Variants in FAM219A observed in about 807,000 individuals in gnomAD.
FAM219A encodes the protein protein FAM219A.
In FAM219A, 7 loss-of-function variants were observed where a neutral mutation model predicts 23.4. The ratio of observed to expected loss-of-function variants is 0.30; its 90% CI spans 0.17 to 0.56. FAM219A has a LOEUF of 0.56. Among genes scored for constraint, FAM219A ranks in the 20% least tolerant of loss-of-function variants. FAM219A has a pLI of 0.92. For missense variants in FAM219A, 166 were observed against 246.9 expected (o/e 0.67, Z 2.20); for synonymous variants, 93 against 99.0 (o/e 0.94, Z 0.36).
intron 1 of FAM219A, among the ~76,000 whole-genome samples, chr9:34,416,905 A>G (rs1822058747): frequency 6.7e-6 from 1 of 148,590 alleles, no homozygotes; most frequent in Non-Finnish European, 1.5e-5. Flanking sequence ...ATAGCTTACT[A>G]CAGCCTTGAA....
intron 1 of FAM219A, among the ~76,000 whole-genome samples, chr9:34,441,373 C>T (rs942185041): frequency 6.6e-6 from 1 of 152,200 alleles, no homozygotes; most frequent in African/African-American, 2.4e-5. Flanking sequence ...GATGCAGGAG[C>T]TTCATGAAGT....
At chr9:34,436,535 A>G (rs998163856) in intron 1 of FAM219A, among the ~76,000 whole-genome samples, 23 of 152,240 alleles carry the variant, frequency 1.5e-4, no homozygotes, top group Admixed American at 1.5e-3. Context: ...TGTGAGCCAC[A>G]GAGCCTGGCC....
At chr9:34,446,752 AC>A (rs1172244219) in intron 1 of FAM219A, among the ~76,000 whole-genome samples, 7 of 152,210 alleles carry the variant, frequency 4.6e-5, no homozygotes, top group African/African-American at 1.7e-4. Flanking sequence ...CATAGGCCAA[AC>A]AGCTCAGTTC....
At chr9:34,435,137 T>G (rs1358911913) in intron 1 of FAM219A, among the ~76,000 whole-genome samples, 2 of 152,178 alleles carry the variant, frequency 1.3e-5, no homozygotes, top group African/African-American at 4.8e-5. Flanking sequence ...GATGATTTTC[T>G]GTTTCCAAAG....
At position 34,400,277 on chromosome 9, in the gene FAM219A, C is replaced by G. The variant is rs544050072; in HGVS notation, c.*687G>C. 4 of 152,332 alleles carry G rather than the reference C, an allele frequency of 2.6e-5. No individual in the cohort carries two copies. The East Asian group carries it at 7.7e-4, about 29-fold the overall frequency. 9.4% of individuals were successfully genotyped at this position (152,332 alleles called of 1,614,324 possible). ...GGCCAATTAGGACAGATCACACCACCCAAACCTCAGCCTGTCTGTAAGGCC... is the reference window on the plus strand; with the variant it reads ...GGCCAATTAGGACAGATCACACCACGCAAACCTCAGCCTGTCTGTAAGGCC... On this transcript the variant is annotated 3_prime_UTR_variant, in exon 6 of 6. Transcript: ENST00000651358.
Position 34,402,737 on chromosome 9 carries a change from T to C in FAM219A, c.231A>G (p.Gln77=), listed in dbSNP as rs764387282. The part of the protein sequence containing the change: ...NGSMGSPVNQ[Q]PKKNNVMART... Reference sequence around the variant, plus strand: ...GGGCCATGACATTGTTCTTCTTGGGTTGCTGGTTGACAGGGCTACCCATGC... The same window carrying C: ...GGGCCATGACATTGTTCTTCTTGGGCTGCTGGTTGACAGGGCTACCCATGC... Residue 77 remains glutamine, a synonymous_variant, in exon 3 of 6, where the codon CAA becomes CAG. Transcript: ENST00000651358. The C allele has an allele frequency of 1.2e-5, 20 of 1,614,126 alleles. No homozygotes were observed. The highest frequency in any genetic ancestry group is 5.0e-5 in the Admixed American group (3 of 60,026).
intron 1 of FAM219A, among the ~76,000 whole-genome samples, chr9:34,445,941 G>A (rs1564017485): frequency 6.6e-6 from 1 of 152,126 alleles, no homozygotes; most frequent in Non-Finnish European, 1.5e-5. Flanking sequence ...TTGGGAGTCC[G>A]AGGCAAGAAG....
intron 1 of FAM219A, among the ~76,000 whole-genome samples, chr9:34,439,016 C>A (rs573666205): frequency 6.6e-6 from 1 of 152,048 alleles, no homozygotes; most frequent in African/African-American, 2.4e-5. Flanking sequence ...ACGAGCCCAC[C>A]GGGAGGAACG....
chr9:34,424,163 G>A (rs913542108), intron 1 of FAM219A, among the ~76,000 whole-genome samples: 10 of 152,070 alleles, frequency 6.6e-5, no homozygotes, highest in African/African-American at 1.7e-4. Context: ...AACCAGAACC[G>A]GAGTCCTAGA....
rs60995496 is a variant in FAM219A, at chr9:34,416,808, A to ATGTTC, written c.61-10845_61-10844insGAACA. Among the ~76,000 whole-genome samples the ATGTTC allele has an allele frequency of 2.4e-3, 274 of 113,646 alleles. 1 individual carries two copies. Among genetic ancestry groups the ATGTTC allele is most frequent in the African/African-American group, 6.6e-3 (191 of 29,072 alleles). The allele number at this position is 113,646 out of a possible 152,430, so 74.6% of individuals were successfully genotyped here. On this transcript the variant is annotated intron_variant, in intron 1 of 5. Transcript: ENST00000651358. ...AGTATCAGAACATAATCAGCTCTCCATTTTTTTTTTTTTTTTTTTTTTAAA... is the reference window on the plus strand; with the variant it reads ...AGTATCAGAACATAATCAGCTCTCCATGTTCTTTTTTTTTTTTTTTTTTTTTTAAA...
intron 1 of FAM219A, among the ~76,000 whole-genome samples, chr9:34,455,395 C>T (rs1374533197): frequency 1.3e-5 from 2 of 151,772 alleles, no homozygotes; most frequent in Non-Finnish European, 2.9e-5. Flanking sequence ...TTTTTATGGC[C>T]TATCCAAATA....
At chr9:34,456,135 T>A (rs772794955) in intron 1 of FAM219A, among the ~76,000 whole-genome samples, 1 of 152,062 alleles carries the variant, frequency 6.6e-6, no homozygotes, top group Admixed American at 6.6e-5. Context: ...GGAGGTTGCA[T>A]TGGGCCAAGA....
intron 1 of FAM219A, among the ~76,000 whole-genome samples, chr9:34,437,246 C>T (rs1343616713): frequency 2.0e-5 from 3 of 152,192 alleles, no homozygotes; most frequent in East Asian, 1.9e-4. Flanking sequence ...AGGACACTGC[C>T]GGATCAGGCC....
At chr9:34,403,358 A>G (rs1203996217) in intron 2 of FAM219A, among the ~76,000 whole-genome samples, 1 of 152,256 alleles carries the variant, frequency 6.6e-6, no homozygotes, top group Non-Finnish European at 1.5e-5. Context: ...AAGGGGCCGA[A>G]GACCCTCTCT....
At chr9:34,433,547 C>T (rs1822789591) in intron 1 of FAM219A, among the ~76,000 whole-genome samples, 1 of 152,190 alleles carries the variant, frequency 6.6e-6, no homozygotes, top group South Asian at 2.1e-4. Context: ...TATTGCAGTA[C>T]TCCTTTGCTC....
chr9:34,434,974 C>G (rs1211280482), intron 1 of FAM219A, among the ~76,000 whole-genome samples: 2 of 151,928 alleles, frequency 1.3e-5, no homozygotes, highest in Non-Finnish European at 2.9e-5. Flanking sequence ...CATGTGCCAC[C>G]ACATCTGGCT....
chr9:34,414,616 G>A (rs555762772), intron 1 of FAM219A, among the ~76,000 whole-genome samples: 1 of 152,350 alleles, frequency 6.6e-6, no homozygotes, highest in South Asian at 2.1e-4. Context: ...AGGTCTTTGT[G>A]GGAGATCTGG....
intron 3 of FAM219A, 79 bp from the exon 4 acceptor site, chr9:34,402,546 C>T: frequency 6.3e-7 from 1 of 1,587,570 alleles, no homozygotes; most frequent in Non-Finnish European, 8.6e-7. Context: ...GGCCCCGTCC[C>T]ACCACTTTCT....
chr9:34,400,800 G>C lies in FAM219A; in HGVS notation c.*164C>G. 1.5e-6 allele frequency: 1 copy of C among 677,256 alleles called. No homozygotes were observed. The highest frequency in any genetic ancestry group is 2.5e-5 in the South Asian group (1 of 40,316). 42.0% of individuals were successfully genotyped at this position (677,256 alleles called of 1,614,324 possible). A position where few individuals can be genotyped will look rare whatever the true frequency, so the allele number is the denominator to read the frequency against. ...TTCTCCAGCTCCATGAACACACAGA[G>C]GTACACGTCCTACCATAGGAGGAAG... On this transcript the variant is annotated 3_prime_UTR_variant, in exon 6 of 6. Coordinates refer to ENST00000651358, the MANE Select transcript of FAM219A (RefSeq NM_001184940.2).
Sources: allele counts gnomAD v4.1 joint callset (sites outside exome capture counted in the v4.1 genomes callset), GRCh38; gene constraint gnomAD v4.1.1; transcripts MANE v1.5; gene names NCBI Gene and HGNC (gene_info 2026-07-23, HGNC 2026-07-21).